CC2D2A: variants seen among roughly 807,000 people sequenced by gnomAD.
CC2D2A encodes coiled-coil and C2 domain-containing protein 2A.
In CC2D2A, 155 loss-of-function variants were observed where a neutral mutation model predicts 212.9. The observed-to-expected ratio is 0.73, with a 90% CI of 0.64 to 0.83. CC2D2A has a LOEUF of 0.83. Among genes scored for constraint, CC2D2A ranks in the 40% least tolerant of loss-of-function variants. The pLI is 0.00. For missense variants in CC2D2A, 1,856 were observed against 1,956.2 expected (o/e 0.95, Z 0.97); for synonymous variants, 667 against 686.5 (o/e 0.97, Z 0.44).
Position 15,539,432 on chromosome 4 carries a change from G to T in CC2D2A, c.2003+1295G>T, listed in dbSNP as rs149870069. Reference sequence around the variant, plus strand: ...TTCAATATCCCAACGTGAAAAATGAGAATTCAAATAAAGTCAGTCAGCCTC... The same window carrying T: ...TTCAATATCCCAACGTGAAAAATGATAATTCAAATAAAGTCAGTCAGCCTC... On this transcript the variant is annotated intron_variant, in intron 16 of 36. Coordinates refer to ENST00000424120, the MANE Select transcript of CC2D2A (RefSeq NM_001378615.1). Among the ~76,000 whole-genome samples, 54 of 152,262 alleles carry T rather than the reference G, an allele frequency of 3.5e-4. No homozygotes were observed. In the East Asian group the frequency reaches 6.4e-3, roughly 18 times the overall value.
intron 33 of CC2D2A, 41 bp from the exon 34 acceptor site, chr4:15,596,044 A>G: frequency 1.4e-6 from 2 of 1,471,704 alleles, no homozygotes; most frequent in Non-Finnish European, 9.2e-7. Flanking sequence ...GTGCATGTAT[A>G]CATGCTAACA....
chr4:15,574,147 C>A lies in CC2D2A; in HGVS notation c.3595-3C>A. The A allele has an allele frequency of 6.5e-7, 1 of 1,535,366 alleles. No homozygotes were observed. Among genetic ancestry groups the A allele is most frequent in the Non-Finnish European group, 8.8e-7 (1 of 1,138,152 alleles). ...TGTTTACCAAGTCATATTTTCTTCA[C>A]AGATTGATGGAACATTTAAAATAGA... On this transcript the variant is annotated splice_polypyrimidine_tract_variant and splice_region_variant and intron_variant, in intron 28 of 36. Transcript: ENST00000424120.
At chr4:15,505,280 G>C (rs1716193493) in intron 6 of CC2D2A, among the ~76,000 whole-genome samples, 1 of 152,150 alleles carries the variant, frequency 6.6e-6, no homozygotes, top group Non-Finnish European at 1.5e-5. Flanking sequence ...CAGCAGATTT[G>C]TGATAGGTGA....
intron 13 of CC2D2A, among the ~76,000 whole-genome samples, chr4:15,532,849 G>A (rs1352117991): frequency 6.6e-6 from 1 of 152,206 alleles, no homozygotes; most frequent in Non-Finnish European, 1.5e-5. Context: ...TTGCTAACTA[G>A]GACAGCAGCA....
intron 35 of CC2D2A, among the ~76,000 whole-genome samples, chr4:15,599,304 T>A (rs1441154610): frequency 6.6e-6 from 1 of 152,202 alleles, no homozygotes; most frequent in Non-Finnish European, 1.5e-5. Flanking sequence ...TATAGGACTA[T>A]TTCCCATCTC....
intron 23 of CC2D2A, among the ~76,000 whole-genome samples, chr4:15,561,171 T>C (rs1038323207): frequency 6.6e-6 from 1 of 152,214 alleles, no homozygotes; most frequent in African/African-American, 2.4e-5. Context: ...CTGTATTTGC[T>C]TGATTGACTC....
intron 35 of CC2D2A, among the ~76,000 whole-genome samples, 188 bp downstream of exon 35, chr4:15,597,653 T>C (rs1721378253): frequency 6.6e-6 from 1 of 152,230 alleles, no homozygotes; most frequent in African/African-American, 2.4e-5. Context: ...AGCATCAGCA[T>C]GCTGTGGAAC....
At chr4:15,559,392 A>G in intron 22 of CC2D2A, 135 bp downstream of exon 22, 1 of 601,266 alleles carries the variant, frequency 1.7e-6, no homozygotes, top group Non-Finnish European at 3.0e-6. Flanking sequence ...CCTCATAAAC[A>G]CAAATATATA....
intron 36 of CC2D2A, among the ~76,000 whole-genome samples, chr4:15,600,962 G>A (rs1721566511): frequency 6.6e-6 from 1 of 151,638 alleles, no homozygotes; most frequent in African/African-American, 2.4e-5. Context: ...TATGTATCTG[G>A]AATTACAATG....
rs893340336 is a variant in CC2D2A, at chr4:15,514,601, T to C, written c.718-106T>C. 1.3e-4 allele frequency: 115 copies of C among 860,532 alleles called. 2 individuals carry two copies. Among genetic ancestry groups the C allele is most frequent in the Non-Finnish European group, 4.3e-5 (26 of 601,448 alleles). 53.3% of individuals were successfully genotyped at this position (860,532 alleles called of 1,614,324 possible). On this transcript the variant is annotated intron_variant, in intron 8 of 36. Transcript: ENST00000424120. ...TCACTTTTTTAAAAAAAGGAAAAGA[T>C]AAAGTTGTAGGAAATGTTAAGTTTC...
intron 14 of CC2D2A, among the ~76,000 whole-genome samples, chr4:15,533,952 T>G (rs1420838455): frequency 2.0e-5 from 3 of 152,244 alleles, no homozygotes; most frequent in Non-Finnish European, 4.4e-5. Context: ...TTGTGCTGAT[T>G]CATGCCTTCA....
rs200904521 is a variant in CC2D2A, at chr4:15,555,209, C to T, written c.2624C>T (p.Ser875Leu). Residue 875 changes from serine (S) to leucine (L), a missense_variant and splice_region_variant, in exon 20 of 37, where the codon TCG becomes TTG. Physicochemically the swap from Ser to Leu is moderately radical, Grantham distance 145. This residue lies in a region of CC2D2A where 1,512 missense variants were observed against 1,579.3 expected (regional missense o/e 0.96). Transcript: ENST00000424120. ...PNNAPLMQLI[S>L]VATSGESYVP... Reference sequence around the variant, plus strand: ...AATGCCCCTTTGATGCAGCTTATCTCGGTATGTAGCAGGAGGCACACATGC... The same window carrying T: ...AATGCCCCTTTGATGCAGCTTATCTTGGTATGTAGCAGGAGGCACACATGC... 8.4e-5 allele frequency: 135 copies of T among 1,612,656 alleles called. No individual in the cohort carries two copies. The highest frequency in any genetic ancestry group is 1.1e-4 in the Non-Finnish European group (124 of 1,179,180).
chr4:15,576,931 C>A (rs1268713005), intron 29 of CC2D2A, among the ~76,000 whole-genome samples: 1 of 152,222 alleles, frequency 6.6e-6, no homozygotes, highest in East Asian at 1.9e-4. Flanking sequence ...CTGCTTCTTA[C>A]AGTGTATCTC....
intron 1 of CC2D2A, 128 bp from the exon 2 acceptor site, chr4:15,475,787 T>C (rs1560386150): frequency 1.4e-6 from 1 of 731,544 alleles, no homozygotes; most frequent in African/African-American, 1.8e-5. Flanking sequence ...GGGTTCCTGG[T>C]GAGTGGAAAG....
chr4:15,513,105 G>A lies in CC2D2A; in HGVS notation c.718-1602G>A, dbSNP rs531941269. Among the ~76,000 whole-genome samples, 31 of 152,096 alleles carry A rather than the reference G, an allele frequency of 2.0e-4. No individual in the cohort carries two copies. In the South Asian group the frequency reaches 4.4e-3, roughly 21 times the overall value. On this transcript the variant is annotated intron_variant, in intron 8 of 36. Transcript: ENST00000424120. ...TCTCCTCCCTTGAAAAATGCCTCCC[G>A]GAAATGTACTTTTTTTACCTAGATC... is the stretch of plus-strand genomic sequence containing the variant.
At chr4:15,530,807 G>A (rs951199062) in intron 13 of CC2D2A, among the ~76,000 whole-genome samples, 7 of 151,648 alleles carry the variant, frequency 4.6e-5, no homozygotes, top group African/African-American at 1.7e-4. Flanking sequence ...AGCCACCCCC[G>A]AGAACTCCCC....
chr4:15,473,072 T>C (rs1204031905), intron 1 of CC2D2A: 3 of 152,230 alleles, frequency 2.0e-5, no homozygotes, highest in Non-Finnish European at 2.9e-5. Flanking sequence ...GAGCTTTAAA[T>C]AGTCCCAGAA....
chr4:15,488,168 G>C (rs34465372), intron 4 of CC2D2A, among the ~76,000 whole-genome samples: 1 of 151,978 alleles, frequency 6.6e-6, no homozygotes, highest in Non-Finnish European at 1.5e-5. Flanking sequence ...TATACCTTCA[G>C]ATTTCTTATT....
intron 23 of CC2D2A, among the ~76,000 whole-genome samples, chr4:15,563,082 G>C (rs986092793): frequency 2.6e-5 from 4 of 152,206 alleles, no homozygotes; most frequent in Non-Finnish European, 5.9e-5. Context: ...AGGAACTGGT[G>C]GGTGAGCAAG....
Sources: allele counts gnomAD v4.1 joint callset (sites outside exome capture counted in the v4.1 genomes callset), GRCh38; gene constraint gnomAD v4.1.1; regional missense constraint gnomAD v4.1.1; transcripts MANE v1.5; gene names NCBI Gene and HGNC (gene_info 2026-07-23, HGNC 2026-07-21).